The following NBAS variants were observed in gnomAD, a reference collection of about 807,000 sequenced individuals.
NBAS encodes the protein NBAS subunit of NRZ tethering complex.
In NBAS, 219 loss-of-function variants were observed where a neutral mutation model predicts 302.5. The ratio of observed to expected loss-of-function variants is 0.72; its 90% CI spans 0.65 to 0.81. The LOEUF (loss-of-function observed/expected upper bound fraction) is 0.81. Among genes scored for constraint, NBAS ranks in the 30% least tolerant of loss-of-function variants. NBAS has a pLI of 0.00. For missense variants in NBAS, 2,932 were observed against 2,841.6 expected, an observed-to-expected ratio of 1.03 and a Z score of -0.72; for synonymous variants, 1,118 against 1,021.6, an observed-to-expected ratio of 1.09 and a Z score of -1.80.
intron 11 of NBAS, among the ~76,000 whole-genome samples, chr2:15,496,621 C>A (rs1681084641): frequency 6.7e-6 from 1 of 148,586 alleles, no homozygotes; most frequent in African/African-American, 2.5e-5. Context: ...GAAGGAGAGG[C>A]AAGGAAAGAG....
chr2:14,800,791 G>GTTT, the NBAS span, among the ~76,000 whole-genome samples: 35 of 137,908 alleles, frequency 2.5e-4, 1 homozygote, highest in African/African-American at 9.0e-4. Flanking sequence ...AATTGTTTTT[G>GTTT]TTTTTTTTTT....
chr2:15,524,038 A>T (rs532631669), intron 9 of NBAS, among the ~76,000 whole-genome samples: 1 of 152,216 alleles, frequency 6.6e-6, no homozygotes. Context: ...ACTTCTTTCA[A>T]ATGATTTTTT....
intron 48 of NBAS, among the ~76,000 whole-genome samples, chr2:15,218,042 C>T (rs1441996361): frequency 6.6e-6 from 1 of 152,156 alleles, no homozygotes; most frequent in Non-Finnish European, 1.5e-5. Context: ...GTCTCTGTTA[C>T]ATTATGTCCT....
At chr2:14,891,518 C>T in the NBAS span, among the ~76,000 whole-genome samples, 1 of 152,238 alleles carries the variant, frequency 6.6e-6, no homozygotes, top group Non-Finnish European at 1.5e-5. Flanking sequence ...ATTATAATCA[C>T]TCAGTGCATC....
intron 12 of NBAS, among the ~76,000 whole-genome samples, chr2:15,485,780 G>A (rs796741320): frequency 4.6e-5 from 7 of 152,288 alleles, no homozygotes; most frequent in African/African-American, 1.7e-4. Flanking sequence ...CGGCAGAAAT[G>A]GTTACATGAA....
At chr2:14,978,796 C>T in the NBAS span, among the ~76,000 whole-genome samples, 1 of 152,172 alleles carries the variant, frequency 6.6e-6, no homozygotes, top group African/African-American at 2.4e-5. Flanking sequence ...GCCTTTGCAA[C>T]ATTACATTTC....
At chr2:15,406,356 A>G (rs993966589) in intron 25 of NBAS, among the ~76,000 whole-genome samples, 1 of 152,096 alleles carries the variant, frequency 6.6e-6, no homozygotes, top group African/African-American at 2.4e-5. Flanking sequence ...TGCTGGAACA[A>G]CTGCGTGGTC....
the NBAS span, chr2:14,890,460 G>T: frequency 1.3e-5 from 2 of 152,080 alleles, no homozygotes; most frequent in African/African-American, 4.8e-5. Flanking sequence ...ACTGATAAGG[G>T]TATTATCTAT....
At chr2:14,822,675 C>T in the NBAS span, among the ~76,000 whole-genome samples, 672 of 152,308 alleles carry the variant, frequency 4.4e-3, 2 homozygotes, top group Non-Finnish European at 8.2e-3. Context: ...CTTCCCATCA[C>T]ACGGTGTAAC....
intron 30 of NBAS, among the ~76,000 whole-genome samples, chr2:15,376,528 A>G (rs985597625): frequency 6.6e-6 from 1 of 152,232 alleles, no homozygotes; most frequent in African/African-American, 2.4e-5. Flanking sequence ...TAACTGCTTT[A>G]AACAACTTTG....
chr2:14,931,970 T>A, the NBAS span, among the ~76,000 whole-genome samples: 1 of 152,220 alleles, frequency 6.6e-6, no homozygotes, highest in Non-Finnish European at 1.5e-5. Context: ...AGTAACATAG[T>A]TGACAGCCCA....
At chr2:15,489,468 A>G (rs1453642005) in intron 11 of NBAS, among the ~76,000 whole-genome samples, 1 of 152,152 alleles carries the variant, frequency 6.6e-6, no homozygotes, top group Non-Finnish European at 1.5e-5. Context: ...AATTCATGCC[A>G]CGGAAAAGAA....
the NBAS span, among the ~76,000 whole-genome samples, chr2:14,973,130 T>C: frequency 6.6e-6 from 1 of 152,162 alleles, no homozygotes. Context: ...AAGGCATTAG[T>C]TATAATGCAC....
intron 46 of NBAS, among the ~76,000 whole-genome samples, chr2:15,232,777 C>T (rs1667434998): frequency 6.6e-6 from 1 of 151,890 alleles, no homozygotes; most frequent in East Asian, 1.9e-4. Flanking sequence ...CTGTGTCATT[C>T]GAAAAACATT....
At chr2:14,862,144 T>G in the NBAS span, among the ~76,000 whole-genome samples, 309 of 91,702 alleles carry the variant, frequency 3.4e-3, no homozygotes, top group African/African-American at 0.037. Context: ...ATTTAAGCAT[T>G]TTTTTTTTTT....
the NBAS span, among the ~76,000 whole-genome samples, chr2:14,834,894 A>T: frequency 7.2e-5 from 11 of 152,196 alleles, no homozygotes; most frequent in African/African-American, 2.6e-4. Context: ...AGTATGGAGG[A>T]TACACTAGAG....
chr2:14,781,871 C>T, the NBAS span, among the ~76,000 whole-genome samples: 658 of 152,230 alleles, frequency 4.3e-3, 8 homozygotes, highest in African/African-American at 0.015. Context: ...AATTCTCCCC[C>T]TAAACAACAC....
At chr2:15,490,260 C>G (rs1680800172) in intron 11 of NBAS, among the ~76,000 whole-genome samples, 3 of 152,042 alleles carry the variant, frequency 2.0e-5, no homozygotes, top group Admixed American at 2.0e-4. Context: ...CCATCAAAAC[C>G]AGAACAATTT....
Position 15,473,336 on chromosome 2 carries a change from T to C in NBAS, c.1611A>G (p.Glu537=), listed in dbSNP as rs35454315. The C allele has an allele frequency of 5.4e-3, 8,747 of 1,613,854 alleles. 166 individuals carry two copies. The highest frequency in any genetic ancestry group is 0.05 in the East Asian group (2,240 of 44,856). ...EELYQRKIES[E]EYEEALSLAH... ...CCAAGGACAAGGCTTCCTCATACTC[T>C]TCACTTTCAATCTTCAGATAAAAAC... The change falls in exon 16 of 52, where the codon GAA becomes GAG. Residue 537 remains glutamate (E), a synonymous_variant. Coordinates refer to ENST00000281513, the MANE Select transcript of NBAS (RefSeq NM_015909.4).
Sources: allele counts gnomAD v4.1 joint callset (sites outside exome capture counted in the v4.1 genomes callset), GRCh38; gene constraint gnomAD v4.1.1; transcripts MANE v1.5; gene names NCBI Gene and HGNC (gene_info 2026-07-23, HGNC 2026-07-21).